ERBB4: variants seen among roughly 807,000 people sequenced by gnomAD.
ERBB4 encodes the protein receptor tyrosine-protein kinase erbB-4.
A neutral mutation model predicts 158.0 loss-of-function variants in ERBB4; 42 were observed. That is an observed-to-expected ratio of 0.27 (90% CI 0.21 to 0.34). The LOEUF (loss-of-function observed/expected upper bound fraction) is 0.34. Among genes scored for constraint, ERBB4 ranks in the 10% least tolerant of loss-of-function variants. ERBB4 has a pLI of 1.00. For synonymous variants in ERBB4, 583 were observed against 558.7 expected (o/e 1.04, Z -0.61); for missense variants, 1,333 against 1,624.1 (o/e 0.82, Z 3.08).
intron 1 of ERBB4, among the ~76,000 whole-genome samples, chr2:212,458,597 T>A (rs1360904450): frequency 6.6e-6 from 1 of 151,658 alleles, no homozygotes; most frequent in African/African-American, 2.4e-5. Context: ...AAGTTTTAGG[T>A]ACAAGAGTCA....
At chr2:211,786,767 C>T (rs141855358) in intron 4 of ERBB4, among the ~76,000 whole-genome samples, 43 of 152,266 alleles carry the variant, frequency 2.8e-4, no homozygotes, top group African/African-American at 1.0e-3. Flanking sequence ...AATATCCACA[C>T]CTCCCCACCA....
At chr2:211,853,995 C>T (rs1424688760) in intron 3 of ERBB4, among the ~76,000 whole-genome samples, 2 of 151,984 alleles carry the variant, frequency 1.3e-5, no homozygotes, top group East Asian at 3.9e-4. Context: ...ACCTTTTAAC[C>T]CATTTGGACC....
chr2:212,003,200 AGAAAGACAGAAAGAAGGAAGGAAGGAAG>A (rs1462587841), intron 2 of ERBB4, among the ~76,000 whole-genome samples: 687 of 58,384 alleles, frequency 0.012, 29 homozygotes, highest in Non-Finnish European at 0.021. Context: ...AAAGAAAGAA[AGAAAGACAGAAAGAAGGAAGGAAGGAAG>A]GAAGGAAGGA....
At chr2:212,371,844 A>T (rs1294376801) in intron 1 of ERBB4, among the ~76,000 whole-genome samples, 1 of 152,158 alleles carries the variant, frequency 6.6e-6, no homozygotes, top group Non-Finnish European at 1.5e-5. Flanking sequence ...AGAAAGAAAA[A>T]AAAGCATGAA....
At chr2:211,891,854 C>A (rs1407864597) in intron 3 of ERBB4, among the ~76,000 whole-genome samples, 2 of 134,060 alleles carry the variant, frequency 1.5e-5, no homozygotes, top group African/African-American at 6.0e-5. Flanking sequence ...AAGACTAAAC[C>A]AGGAAGAAGT....
At chr2:211,630,093 C>CT (rs2070045406) in intron 17 of ERBB4, among the ~76,000 whole-genome samples, 1 of 152,108 alleles carries the variant, frequency 6.6e-6, no homozygotes, top group Non-Finnish European at 1.5e-5. Context: ...AAGAAACTAC[C>CT]AACAGAGTGA....
chr2:211,753,125 A>C (rs2075182653), intron 4 of ERBB4, among the ~76,000 whole-genome samples: 1 of 150,490 alleles, frequency 6.6e-6, no homozygotes, highest in Non-Finnish European at 1.5e-5. Flanking sequence ...TTAGCAATTA[A>C]GTAAATGCTA....
intron 1 of ERBB4, among the ~76,000 whole-genome samples, chr2:212,131,134 T>C (rs553267320): frequency 6.6e-6 from 1 of 152,314 alleles, no homozygotes; most frequent in East Asian, 1.9e-4. Context: ...TTGTTATCTC[T>C]ATGTTCAAAA....
At chr2:211,813,319 G>C (rs1343625205) in intron 3 of ERBB4, among the ~76,000 whole-genome samples, 1 of 152,220 alleles carries the variant, frequency 6.6e-6, no homozygotes, top group African/African-American at 2.4e-5. Context: ...GCTGCCAAGT[G>C]TTATAATAGC....
chr2:211,920,201 T>C (rs982317198), intron 3 of ERBB4, among the ~76,000 whole-genome samples: 5 of 152,032 alleles, frequency 3.3e-5, no homozygotes, highest in Admixed American at 1.3e-4. Context: ...TAGTCAAATA[T>C]GTCCATCTCT....
intron 5 of ERBB4, among the ~76,000 whole-genome samples, chr2:211,738,112 T>C (rs555634783): frequency 6.6e-6 from 1 of 152,090 alleles, no homozygotes; most frequent in Non-Finnish European, 1.5e-5. Flanking sequence ...GTCTACATGG[T>C]GATTTTTACC....
intron 1 of ERBB4, among the ~76,000 whole-genome samples, chr2:212,536,723 A>G (rs1190086369): frequency 6.6e-6 from 1 of 152,202 alleles, no homozygotes; most frequent in Non-Finnish European, 1.5e-5. Context: ...GGAGCCGCAC[A>G]GTTAATACCA....
At chr2:212,233,963 T>TTTTTTA (rs371780827) in intron 1 of ERBB4, among the ~76,000 whole-genome samples, 32 of 143,812 alleles carry the variant, frequency 2.2e-4, no homozygotes, top group African/African-American at 8.2e-4. Flanking sequence ...CTTTGCATTA[T>TTTTTTA]TTATTATTAT....
At chr2:212,121,715 G>C (rs1478594884) in intron 2 of ERBB4, among the ~76,000 whole-genome samples, 3 of 146,324 alleles carry the variant, frequency 2.1e-5, no homozygotes, top group Non-Finnish European at 4.5e-5. Flanking sequence ...AGATTCCCTG[G>C]GAGTAGGAGT....
At chr2:211,513,336 C>T (rs946762110) in intron 20 of ERBB4, among the ~76,000 whole-genome samples, 3 of 122,496 alleles carry the variant, frequency 2.4e-5, no homozygotes, top group African/African-American at 6.6e-5. Context: ...CCGGCCTGGG[C>T]GACAGAGCGA....
chr2:212,538,424 G>A lies in ERBB4; in HGVS notation c.82+25C>T, dbSNP rs375929285. 4 of 1,609,740 alleles carry A rather than the reference G, an allele frequency of 2.5e-6. No homozygotes were observed. The African/African-American group carries it at 5.3e-5, about 21-fold the overall frequency. The stretch of plus-strand genomic sequence containing the variant: ...CCCCGCCGGCGGCTGCAGGTTCGGC[G>A]ACCGGAGTGCCAGAAGGAACCCACC... On this transcript the variant is annotated intron_variant, in intron 1 of 27. Coordinates refer to ENST00000342788, the MANE Select transcript of ERBB4 (RefSeq NM_005235.3).
chr2:212,250,913 A>C (rs2084507757), intron 1 of ERBB4, among the ~76,000 whole-genome samples: 1 of 151,996 alleles, frequency 6.6e-6, no homozygotes, highest in South Asian at 2.1e-4. Context: ...TATTTTTAAA[A>C]AGATTTTCAC....
chr2:212,284,013 A>G (rs2106156902), intron 1 of ERBB4, among the ~76,000 whole-genome samples: 1 of 151,172 alleles, frequency 6.6e-6, no homozygotes, highest in Non-Finnish European at 1.5e-5. Flanking sequence ...TAAACTTCCA[A>G]AATTTTTTTT....
chr2:211,683,167 G>A (rs1393281890), intron 12 of ERBB4, among the ~76,000 whole-genome samples: 1 of 151,878 alleles, frequency 6.6e-6, no homozygotes, highest in Non-Finnish European at 1.5e-5. Flanking sequence ...GATACAGAGA[G>A]ATACCGTGTT....
Sources: allele counts gnomAD v4.1 joint callset (sites outside exome capture counted in the v4.1 genomes callset), GRCh38; gene constraint gnomAD v4.1.1; transcripts MANE v1.5; gene names NCBI Gene and HGNC (gene_info 2026-07-23, HGNC 2026-07-21).